Variants in SDK2 observed in about 807,000 individuals in gnomAD.
The protein encoded by SDK2 is sidekick cell adhesion molecule 2.
A neutral mutation model predicts 253.9 loss-of-function variants in SDK2; 105 were observed. The ratio of observed to expected loss-of-function variants is 0.41; its 90% CI spans 0.35 to 0.49. The LOEUF (loss-of-function observed/expected upper bound fraction) is 0.49, where lower values mean the gene tolerates loss of function less well. Ranked by LOEUF, SDK2 falls within the 20% of genes least tolerant of loss-of-function variation. The probability of loss-of-function intolerance (pLI) is 0.06; values close to 1 mark genes in which losing one functional copy is unlikely to be tolerated. For missense variants in SDK2, 2,608 were observed against 3,003.0 expected (o/e 0.87, Z 3.07); for synonymous variants, 1,249 against 1,234.9 (o/e 1.01, Z -0.24).
chr17:73,465,323 G>A lies in SDK2; in HGVS notation c.331+6789C>T, dbSNP rs572896797. 4.7e-4 allele frequency among the ~76,000 whole-genome samples: 71 copies of A among 152,264 alleles called. No individual in the cohort carries two copies. Among genetic ancestry groups the A allele is most frequent in the Non-Finnish European group, 7.9e-4 (54 of 68,022 alleles). On this transcript the variant is annotated intron_variant, in intron 3 of 44. Coordinates refer to ENST00000392650, the MANE Select transcript of SDK2 (RefSeq NM_001144952.2). This position sits in a 1 kb window ranked among gnomAD's most constrained non-coding sequence, Gnocchi z 4.2. ...CTGCTGTGGGTGGGTGGGTGCGTGG[G>A]TTTGGTGCTGGAGTGGATGGTTTCA...
chr17:73,637,229 G>A (rs2046343472), intron 1 of SDK2, among the ~76,000 whole-genome samples: 2 of 152,198 alleles, frequency 1.3e-5, no homozygotes. Context: ...CTGTGGTTAT[G>A]AAGGAACACT....
chr17:73,575,193 C>A (rs56795110), intron 1 of SDK2, among the ~76,000 whole-genome samples: 1 of 152,182 alleles, frequency 6.6e-6, no homozygotes, highest in Non-Finnish European at 1.5e-5. Flanking sequence ...GGGCTCCAGG[C>A]TCCTCAATGG....
chr17:73,535,923 G>T (rs1054352301), intron 1 of SDK2, among the ~76,000 whole-genome samples: 1 of 152,016 alleles, frequency 6.6e-6, no homozygotes, highest in Non-Finnish European at 1.5e-5. Flanking sequence ...TAAGGACCAC[G>T]CCCACCCACC....
At chr17:73,593,780 C>T (rs1367490994) in intron 1 of SDK2, among the ~76,000 whole-genome samples, 1 of 152,130 alleles carries the variant, frequency 6.6e-6, no homozygotes, top group Non-Finnish European at 1.5e-5. Flanking sequence ...GGGGCCTGGG[C>T]GGCAGGGCTG....
intron 17 of SDK2, among the ~76,000 whole-genome samples, 170 bp from the exon 18 acceptor site, chr17:73,414,929 C>A (rs1298312300): frequency 6.6e-6 from 1 of 152,136 alleles, no homozygotes; most frequent in African/African-American, 2.4e-5. Context: ...CATATTCTCT[C>A]TGGATTAGTT....
At chr17:73,484,501 T>C (rs963790249) in intron 2 of SDK2, among the ~76,000 whole-genome samples, 5 of 152,242 alleles carry the variant, frequency 3.3e-5, no homozygotes, top group African/African-American at 9.6e-5. Flanking sequence ...GGTTCCCTGA[T>C]GCGAGAGGCC....
intron 1 of SDK2, among the ~76,000 whole-genome samples, chr17:73,539,126 C>T (rs1378200483): frequency 1.3e-5 from 2 of 152,174 alleles, no homozygotes; most frequent in Non-Finnish European, 2.9e-5. Context: ...TAGAAGTCCC[C>T]ATCCCCAAAG....
chr17:73,381,924 A>T (rs1277751578), intron 33 of SDK2, among the ~76,000 whole-genome samples: 3 of 150,690 alleles, frequency 2.0e-5, no homozygotes, highest in Non-Finnish European at 4.4e-5. Context: ...ACAAAAAACA[A>T]AAAACAAAAG....
chr17:73,535,190 A>G (rs35195027), intron 1 of SDK2, among the ~76,000 whole-genome samples: 15,502 of 152,190 alleles, frequency 0.1, 834 homozygotes, highest in Middle Eastern at 0.12. Context: ...TCTCTTGTGA[A>G]TAGGCTGCGT....
intron 1 of SDK2, among the ~76,000 whole-genome samples, chr17:73,614,388 C>T (rs892481316): frequency 6.6e-6 from 1 of 151,914 alleles, no homozygotes; most frequent in African/African-American, 2.4e-5. Flanking sequence ...CTTTCTTAGC[C>T]CTTGATTTAA....
intron 1 of SDK2, among the ~76,000 whole-genome samples, chr17:73,605,801 C>T (rs191247484): frequency 6.6e-6 from 1 of 152,142 alleles, no homozygotes; most frequent in African/African-American, 2.4e-5. Context: ...CTTTGTGGCA[C>T]GCTCAGCACG....
At chr17:73,387,442 A>G (rs2145487572) in intron 30 of SDK2, among the ~76,000 whole-genome samples, 1 of 152,340 alleles carries the variant, frequency 6.6e-6, no homozygotes, top group South Asian at 2.1e-4. Flanking sequence ...TGGAATATAA[A>G]AAATTCAACC....
chr17:73,401,251 T>C lies in SDK2; in HGVS notation c.2780-40A>G, dbSNP rs1404927701. 6 of 1,510,120 alleles carry C rather than the reference T, an allele frequency of 4.0e-6. No individual in the cohort carries two copies. In the East Asian group the frequency reaches 1.5e-4, roughly 37 times the overall value. The allele number at this position is 1,510,120 out of a possible 1,614,324, so 93.5% of individuals were successfully genotyped here. A position where few individuals can be genotyped will look rare whatever the true frequency, so the allele number is the denominator to read the frequency against. ...CGTGTTGGCATGAGCTTGGCTGTGATCACAAGTTGGCCTGACCCACTACTC... is the reference window on the plus strand; with the variant it reads ...CGTGTTGGCATGAGCTTGGCTGTGACCACAAGTTGGCCTGACCCACTACTC... On this transcript the variant is annotated intron_variant, in intron 20 of 44. Transcript: ENST00000392650.
Position 73,388,055 on chromosome 17 carries a change from G to T in SDK2, c.4193-18C>A. 1 of 1,551,542 alleles carries T rather than the reference G, an allele frequency of 6.4e-7. No homozygotes were observed. On this transcript the variant is annotated intron_variant, in intron 29 of 44. Coordinates refer to ENST00000392650, the MANE Select transcript of SDK2 (RefSeq NM_001144952.2). ...CGGACGGTCTGGGAGGTGGCAGAGG[G>T]GGAGGAGCAGGTGAGTGGGCCAGGC...
At chr17:73,391,839 C>T (rs2062930820) in intron 27 of SDK2, among the ~76,000 whole-genome samples, 4 of 152,250 alleles carry the variant, frequency 2.6e-5, no homozygotes, top group South Asian at 2.1e-4. Flanking sequence ...GAGCTGGGCG[C>T]GTGGGCCCTG....
At chr17:73,342,278 A>G (rs1286803876) in intron 44 of SDK2, among the ~76,000 whole-genome samples, 7 of 152,036 alleles carry the variant, frequency 4.6e-5, no homozygotes, top group Non-Finnish European at 1.0e-4. Flanking sequence ...TGCCCAAGAC[A>G]ATGGAAAGTC....
intron 44 of SDK2, among the ~76,000 whole-genome samples, chr17:73,341,879 G>A (rs1394254717): frequency 4.6e-5 from 7 of 152,112 alleles, no homozygotes; most frequent in African/African-American, 9.7e-5. Context: ...ACCTCTGTGC[G>A]GCAGCTCCTA....
chr17:73,414,858 T>G, intron 17 of SDK2, 99 bp from the exon 18 acceptor site: 1 of 725,414 alleles, frequency 1.4e-6, no homozygotes. Flanking sequence ...CTATAGCCTC[T>G]GCCTTGCACC....
intron 5 of SDK2, among the ~76,000 whole-genome samples, chr17:73,441,205 C>T (rs2063413061): frequency 6.6e-6 from 1 of 152,008 alleles, no homozygotes; most frequent in Non-Finnish European, 1.5e-5. Context: ...CCCCTCTCCC[C>T]ACCACCACCC....
Sources: allele counts gnomAD v4.1 joint callset (sites outside exome capture counted in the v4.1 genomes callset), GRCh38; gene constraint gnomAD v4.1.1; non-coding constraint Gnocchi (gnomAD v3.1); transcripts MANE v1.5; gene names NCBI Gene and HGNC (gene_info 2026-07-23, HGNC 2026-07-21).